The following RELN variants were observed in gnomAD, a reference collection of about 807,000 sequenced individuals.
RELN encodes reelin.
A neutral mutation model predicts 427.6 loss-of-function variants in RELN; 108 were observed. The ratio of observed to expected loss-of-function variants is 0.25; its 90% CI spans 0.22 to 0.30. The LOEUF (loss-of-function observed/expected upper bound fraction) is 0.30. RELN is among the 10% of genes least tolerant of loss of function. The pLI is 1.00. For missense variants in RELN, 3,715 were observed against 4,302.8 expected (o/e 0.86, Z 3.82); for synonymous variants, 1,524 against 1,513.4 (o/e 1.01, Z -0.16).
At chr7:103,865,633 G>A (rs1385830806) in intron 2 of RELN, among the ~76,000 whole-genome samples, 2 of 152,122 alleles carry the variant, frequency 1.3e-5, no homozygotes, top group Non-Finnish European at 2.9e-5. Context: ...CACATTAACA[G>A]AATGAAGGAT....
intron 3 of RELN, among the ~76,000 whole-genome samples, chr7:103,821,706 T>C (rs1326959222): frequency 6.6e-6 from 1 of 152,174 alleles, no homozygotes; most frequent in Non-Finnish European, 1.5e-5. Flanking sequence ...AGCCACACTT[T>C]CAATATATTT....
rs541316960 is a variant in RELN at position 103,559,314 on chromosome 7, G to A, written c.5530-1265C>T. On this transcript the variant is annotated intron_variant, in intron 36 of 64. Coordinates refer to ENST00000428762, the MANE Select transcript of RELN (RefSeq NM_005045.4). Reference sequence around the variant, plus strand: ...GAAAAATATCCAGATAATGCCAAATGTAGAATTTGAGAATTATTTGATATT... The same window carrying A: ...GAAAAATATCCAGATAATGCCAAATATAGAATTTGAGAATTATTTGATATT... Among the ~76,000 whole-genome samples, 9 of 152,296 alleles carry A rather than the reference G, an allele frequency of 5.9e-5. No individual in the cohort carries two copies. In the East Asian group the frequency reaches 1.5e-3, roughly 26 times the overall value.
intron 48 of RELN, 44 bp downstream of exon 48, chr7:103,521,978 A>G: frequency 6.3e-7 from 1 of 1,596,462 alleles, no homozygotes; most frequent in Non-Finnish European, 8.6e-7. Flanking sequence ...TTTGGAAGGA[A>G]CTTAAGAAGA....
intron 60 of RELN, among the ~76,000 whole-genome samples, chr7:103,489,121 G>A (rs1005149380): frequency 4.6e-5 from 7 of 152,028 alleles, no homozygotes; most frequent in East Asian, 1.9e-4. Context: ...GTGAAGGGTC[G>A]AGTAGATACT....
intron 2 of RELN, among the ~76,000 whole-genome samples, chr7:103,905,335 G>C (rs1346436080): frequency 6.6e-6 from 1 of 152,062 alleles, no homozygotes. Context: ...GCAAATATTA[G>C]TGTCTGCCAC....
At chr7:103,767,083 G>A (rs185421522) in intron 4 of RELN, among the ~76,000 whole-genome samples, 33 of 152,172 alleles carry the variant, frequency 2.2e-4, no homozygotes, top group African/African-American at 7.7e-4. Flanking sequence ...ACAGGCCAAT[G>A]AATATACACA....
chr7:103,512,886 C>T (rs1457877302), intron 50 of RELN: 1 of 152,116 alleles, frequency 6.6e-6, no homozygotes, highest in Non-Finnish European at 1.5e-5. Context: ...CTCAGAGGAT[C>T]CAGAGAAAAG....
intron 8 of RELN, among the ~76,000 whole-genome samples, chr7:103,704,162 T>C (rs1485621442): frequency 6.6e-6 from 1 of 152,186 alleles, no homozygotes; most frequent in Non-Finnish European, 1.5e-5. Context: ...AATAAGTTGG[T>C]AAATGATAAA....
chr7:103,622,411 C>T (rs1832241457), intron 20 of RELN, among the ~76,000 whole-genome samples: 1 of 152,204 alleles, frequency 6.6e-6, no homozygotes, highest in African/African-American at 2.4e-5. Context: ...TAGCTGAGCT[C>T]CTTCTACTGC....
chr7:103,710,997 G>A (rs916065918), intron 8 of RELN, among the ~76,000 whole-genome samples: 15 of 152,058 alleles, frequency 9.9e-5, no homozygotes, highest in Admixed American at 2.0e-4. Flanking sequence ...TGAGCCGAGA[G>A]CACGCCACTG....
chr7:103,851,900 C>G (rs368165593), intron 2 of RELN, among the ~76,000 whole-genome samples: 1 of 152,144 alleles, frequency 6.6e-6, no homozygotes, highest in Non-Finnish European at 1.5e-5. Context: ...AAAATGTGAG[C>G]CCTCTGTGTT....
chr7:103,602,710 T>C (rs1187681245), intron 24 of RELN, among the ~76,000 whole-genome samples: 1 of 152,006 alleles, frequency 6.6e-6, no homozygotes, highest in East Asian at 1.9e-4. Context: ...AGGGATAACA[T>C]TAGGAGAAAT....
chr7:103,611,810 G>A lies in RELN; in HGVS notation c.2703-7C>T. On this transcript the variant is annotated splice_polypyrimidine_tract_variant and splice_region_variant and intron_variant, in intron 20 of 64. Coordinates refer to ENST00000428762, the MANE Select transcript of RELN (RefSeq NM_005045.4). ...TTTAGAATCTCCTGTAAAACTGAAA[G>A]AGACAGAGATGGAAATCAGAAAATT... 1 of 1,611,468 alleles carries A rather than the reference G, an allele frequency of 6.2e-7. No individual in the cohort carries two copies. The highest frequency in any genetic ancestry group is 8.5e-7 in the Non-Finnish European group (1 of 1,177,762).
chr7:103,758,180 T>C (rs762181004), intron 4 of RELN, among the ~76,000 whole-genome samples: 3 of 152,160 alleles, frequency 2.0e-5, no homozygotes, highest in East Asian at 1.9e-4. Flanking sequence ...AATAATGCCA[T>C]TGAAATTCAC....
At chr7:103,728,353 G>A (rs1310096531) in intron 6 of RELN, 146 bp from the exon 7 acceptor site, 1 of 764,734 alleles carries the variant, frequency 1.3e-6, no homozygotes, top group African/African-American at 1.7e-5. Flanking sequence ...ATCATGATAA[G>A]GTTAAGAAGA....
chr7:103,501,944 G>A (rs557383264), intron 52 of RELN, among the ~76,000 whole-genome samples: 1 of 152,310 alleles, frequency 6.6e-6, no homozygotes, highest in East Asian at 1.9e-4. Flanking sequence ...GAAGCATCCT[G>A]CCCCAGTTCT....
rs767263084 is a variant in RELN, at chr7:103,611,651, T to C, written c.2855A>G (p.Tyr952Cys). ...PHMDNQVKLE[Y>C]STNHGLTWHL... ...CCAGGTAAGGCCGTGGTTGGTTGAG[T>C]ACTCCAGCTTCACCTGGTTGTCCAT... Residue 952 changes from tyrosine to cysteine, a missense_variant, in exon 21 of 65, where the codon TAC becomes TGC. Physicochemically the swap from Tyr to Cys is radical, Grantham distance 194 (BLOSUM62 -2). This residue lies in a region of RELN where 2,208 missense variants were observed against 2,361.7 expected (regional missense o/e 0.93). Transcript: ENST00000428762. 4 of 1,613,764 alleles carry C rather than the reference T, an allele frequency of 2.5e-6. No individual in the cohort carries two copies. The highest frequency in any genetic ancestry group is 3.4e-6 in the Non-Finnish European group (4 of 1,179,904).
intron 28 of RELN, among the ~76,000 whole-genome samples, chr7:103,583,413 T>C (rs553726948): frequency 3.9e-5 from 6 of 152,240 alleles, no homozygotes; most frequent in Admixed American, 2.0e-4. Context: ...AGATTTGATA[T>C]TGGGGAAGCC....
At chr7:103,577,919 A>C (rs1015388448) in intron 28 of RELN, among the ~76,000 whole-genome samples, 3 of 152,188 alleles carry the variant, frequency 2.0e-5, no homozygotes, top group African/African-American at 7.2e-5. Context: ...AGAGAAAGGA[A>C]AACTTCTTTC....
Sources: allele counts gnomAD v4.1 joint callset (sites outside exome capture counted in the v4.1 genomes callset), GRCh38; gene constraint gnomAD v4.1.1; regional missense constraint gnomAD v4.1.1; transcripts MANE v1.5; gene names NCBI Gene and HGNC (gene_info 2026-07-23, HGNC 2026-07-21).